SYCP2: variants seen among roughly 807,000 people sequenced by gnomAD.
SYCP2 encodes synaptonemal complex protein 2, also known as synaptonemal complex lateral element protein.
In SYCP2, 55 loss-of-function variants were observed where a neutral mutation model predicts 211.3. That is an observed-to-expected ratio of 0.26 (90% CI 0.21 to 0.33). The LOEUF is 0.33. Ranked by LOEUF, SYCP2 falls within the 10% of genes least tolerant of loss-of-function variation. SYCP2 has a pLI of 1.00. For synonymous variants in SYCP2, 570 were observed against 555.2 expected (o/e 1.03, Z -0.37); for missense variants, 1,731 against 1,752.0 (o/e 0.99, Z 0.21).
chr20:59,877,591 T>A, intron 32 of SYCP2, 36 bp from the exon 33 acceptor site: 1 of 1,535,794 alleles, frequency 6.5e-7, no homozygotes. Flanking sequence ...TAGATCAATA[T>A]TTGAGGTACA....
chr20:59,864,440 A>C (rs2059290320), intron 44 of SYCP2, 52 bp from the exon 45 acceptor site: 3 of 1,263,802 alleles, frequency 2.4e-6, no homozygotes, highest in Non-Finnish European at 3.3e-6. Context: ...TTCGCTGTAA[A>C]ACCACCAAAT....
At chr20:59,869,746 T>G (rs1248405664) in intron 36 of SYCP2, 52 bp downstream of exon 36, 28 of 1,083,580 alleles carry the variant, frequency 2.6e-5, no homozygotes, top group Non-Finnish European at 3.6e-5. Context: ...CTGAGTCTTA[T>G]AAGAACCATC....
At chr20:59,912,607 A>G (rs1056474127) in intron 12 of SYCP2, among the ~76,000 whole-genome samples, 189 bp from the exon 13 acceptor site, 1 of 152,198 alleles carries the variant, frequency 6.6e-6, no homozygotes, top group Non-Finnish European at 1.5e-5. Context: ...AGAGAAAATC[A>G]TATTACTTTG....
intron 10 of SYCP2, among the ~76,000 whole-genome samples, chr20:59,914,916 TTTAAGCTA>T (rs1341868944): frequency 1.3e-5 from 2 of 151,976 alleles, no homozygotes; most frequent in East Asian, 1.9e-4. Context: ...AAGCTATTAA[TTTAAGCTA>T]TTAAGCTATA....
intron 24 of SYCP2, among the ~76,000 whole-genome samples, chr20:59,889,598 ACC>A (rs1298283988): frequency 1.7e-4 from 26 of 152,062 alleles, no homozygotes; most frequent in Non-Finnish European, 3.7e-4. Flanking sequence ...TACTATTTTA[ACC>A]ATTTTTAAGT....
chr20:59,877,405 T>C lies in SYCP2; in HGVS notation c.3130A>G (p.Lys1044Glu), dbSNP rs2059582085. 6.3e-7 allele frequency: 1 copy of C among 1,589,402 alleles called. No individual in the cohort carries two copies. The highest frequency in any genetic ancestry group is 1.4e-5 in the African/African-American group (1 of 73,118). ...ECEQEFSHSF[K>E]ENIPVKEENI... ...TTTACCTTTACTGGTATGTTCTCTT[T>C]AAATGAATGTGAAAATTCTTGTTCA... The change falls in exon 33 of 45, where the codon AAA becomes GAA. Residue 1044 changes from lysine (K) to glutamate (E), a missense_variant. Lys to Glu is a moderately conservative substitution (Grantham distance 56). Transcript: ENST00000357552.
intron 2 of SYCP2, among the ~76,000 whole-genome samples, chr20:59,930,219 T>A (rs760015835): frequency 3.3e-5 from 5 of 152,162 alleles, no homozygotes; most frequent in Non-Finnish European, 7.3e-5. Flanking sequence ...TGCAATTAAT[T>A]ACACTATTCT....
At position 59,933,615 on chromosome 20, in the gene SYCP2, G is replaced by A. The variant is rs932867528; in HGVS notation, c.-186C>T. 6.6e-6 allele frequency: 1 copy of A among 151,966 alleles called. No individual in the cohort carries two copies. Among genetic ancestry groups the A allele is most frequent in the African/African-American group, 2.4e-5 (1 of 41,350 alleles). The allele number at this position is 151,966 out of a possible 1,614,324, so 9.4% of individuals were successfully genotyped here. ...TAGTGTCGGTGGAGCCGCCCCCTAT[G>A]CCGCCGAGCGTCGCAACTCTGCGCC... On this transcript the variant is annotated 5_prime_UTR_variant, in exon 1 of 45. Transcript: ENST00000357552.
Position 59,885,807 on chromosome 20 carries a change from A to C in SYCP2, c.2529+121T>G. On this transcript the variant is annotated intron_variant, in intron 26 of 44. Transcript: ENST00000357552. ...TTAAACCTGTCAGTGGTTATCATTC[A>C]TTTAGCAATATTCTGAAAACATCGT... is the stretch of plus-strand genomic sequence containing the variant. 3.9e-6 allele frequency: 3 copies of C among 769,032 alleles called. No homozygotes were observed. The South Asian group carries it at 5.0e-5, about 13-fold the overall frequency. 47.6% of individuals were successfully genotyped at this position (769,032 alleles called of 1,614,324 possible).
Position 59,915,203 on chromosome 20 carries a change from T to G in SYCP2, c.600-4A>C, listed in dbSNP as rs1298484434. ...AATCCTTTCTCCCATACTACTCCTGTGAATTAAAATAACAGATTACAAAAT... is the reference window on the plus strand; with the variant it reads ...AATCCTTTCTCCCATACTACTCCTGGGAATTAAAATAACAGATTACAAAAT... On this transcript the variant is annotated splice_polypyrimidine_tract_variant and splice_region_variant and intron_variant, in intron 9 of 44. Transcript: ENST00000357552. 3.2e-6 allele frequency: 5 copies of G among 1,569,872 alleles called. No individual in the cohort carries two copies. In the Admixed American group the frequency reaches 5.1e-5, roughly 16 times the overall value.
intron 2 of SYCP2, among the ~76,000 whole-genome samples, chr20:59,927,453 G>T (rs1037533656): frequency 2.6e-5 from 4 of 152,068 alleles, no homozygotes; most frequent in African/African-American, 9.7e-5. Flanking sequence ...TTCTGCCTCA[G>T]ATATAGAGTG....
intron 33 of SYCP2, among the ~76,000 whole-genome samples, chr20:59,876,742 A>G (rs2059568383): frequency 6.6e-6 from 1 of 152,102 alleles, no homozygotes; most frequent in Non-Finnish European, 1.5e-5. Flanking sequence ...CAGTTGACAC[A>G]TTGTAAGCAC....
intron 23 of SYCP2, 22 bp downstream of exon 23, chr20:59,892,546 T>A (rs745570781): frequency 6.3e-7 from 1 of 1,594,530 alleles, no homozygotes; most frequent in Admixed American, 1.8e-5. Flanking sequence ...AACTATTACA[T>A]ATAGATAAAA....
At chr20:59,922,851 T>C (rs1046010197) in intron 2 of SYCP2, among the ~76,000 whole-genome samples, 1 of 151,318 alleles carries the variant, frequency 6.6e-6, no homozygotes, top group African/African-American at 2.4e-5. Flanking sequence ...GGGCTATTAA[T>C]ATTCAAGAAA....
intron 15 of SYCP2, 137 bp downstream of exon 15, chr20:59,907,227 G>A: frequency 1.6e-6 from 1 of 634,690 alleles, no homozygotes; most frequent in Middle Eastern, 4.2e-4. Context: ...CAAGGTGTTT[G>A]ATGAATTTCT....
At chr20:59,876,369 C>CAAAAAAA (rs765782164) in intron 33 of SYCP2, among the ~76,000 whole-genome samples, 257 of 23,084 alleles carry the variant, frequency 0.011, 33 homozygotes, top group East Asian at 0.015. Context: ...GGCTGTGTCT[C>CAAAAAAA]AAAAAAAAAA....
chr20:59,877,665 G>T, intron 32 of SYCP2, 110 bp from the exon 33 acceptor site: 2 of 874,014 alleles, frequency 2.3e-6, no homozygotes, highest in Non-Finnish European at 3.5e-6. Flanking sequence ...ATATTTGTAA[G>T]AATGATTCTT....
At chr20:59,908,668 T>C (rs1027664933) in intron 14 of SYCP2, among the ~76,000 whole-genome samples, 3 of 152,340 alleles carry the variant, frequency 2.0e-5, no homozygotes, top group South Asian at 2.1e-4. Flanking sequence ...AACAGATTTT[T>C]AATCAGAAAT....
chr20:59,890,475 C>A (rs561691552), intron 24 of SYCP2, among the ~76,000 whole-genome samples: 1 of 152,070 alleles, frequency 6.6e-6, no homozygotes, highest in East Asian at 1.9e-4. Context: ...TGCTGCAAAC[C>A]ACCATGGCAC....
Sources: allele counts gnomAD v4.1 joint callset (sites outside exome capture counted in the v4.1 genomes callset), GRCh38; gene constraint gnomAD v4.1.1; transcripts MANE v1.5; gene names NCBI Gene and HGNC (gene_info 2026-07-23, HGNC 2026-07-21).